AMD1: variants seen among roughly 807,000 people sequenced by gnomAD.
The protein encoded by AMD1 is adenosylmethionine decarboxylase 1, also known as S-adenosylmethionine decarboxylase proenzyme.
In AMD1, 11 loss-of-function variants were observed where a neutral mutation model predicts 40.2. That is an observed-to-expected ratio of 0.27 (90% CI 0.17 to 0.45). The LOEUF (loss-of-function observed/expected upper bound fraction) is 0.45, where lower values mean the gene tolerates loss of function less well. Among genes scored for constraint, AMD1 ranks in the 20% least tolerant of loss-of-function variants. The pLI, the probability that AMD1 is intolerant of heterozygous loss-of-function variation, is 1.00. For missense variants in AMD1, 257 were observed against 410.2 expected (o/e 0.63, Z 3.23); for synonymous variants, 121 against 130.8 (o/e 0.93, Z 0.51).
upstream of AMD1, among the ~76,000 whole-genome samples, chr6:110,873,171 C>A (rs1412915945): frequency 6.6e-6 from 1 of 152,134 alleles, no homozygotes; most frequent in African/African-American, 2.4e-5. Flanking sequence ...TCAAGACAAG[C>A]CTGGCAAACA....
chr6:110,818,434 T>C, the AMD1 span, among the ~76,000 whole-genome samples: 1 of 152,212 alleles, frequency 6.6e-6, no homozygotes, highest in Non-Finnish European at 1.5e-5. Context: ...ATTATTGGAT[T>C]AATTTGTAGC....
the AMD1 span, among the ~76,000 whole-genome samples, chr6:110,839,702 C>T: frequency 4.9e-4 from 75 of 152,084 alleles, no homozygotes; most frequent in African/African-American, 1.8e-3. Context: ...TTAGTGGGGG[C>T]ATGGGAAGTT....
the AMD1 span, among the ~76,000 whole-genome samples, chr6:110,854,129 CT>C: frequency 0.085 from 12,882 of 152,092 alleles, 955 homozygotes; most frequent in African/African-American, 0.21. Flanking sequence ...TACTTTTTTT[CT>C]TTACTAAAGG....
At chr6:110,860,499 T>TA in the AMD1 span, among the ~76,000 whole-genome samples, 30 of 151,208 alleles carry the variant, frequency 2.0e-4, no homozygotes, top group Admixed American at 8.6e-4. Flanking sequence ...TCTATGTGAT[T>TA]AAAAAAAAAC....
chr6:110,872,602 CT>C (rs1784937708), upstream of AMD1, among the ~76,000 whole-genome samples: 1 of 152,088 alleles, frequency 6.6e-6, no homozygotes, highest in South Asian at 2.1e-4. Flanking sequence ...GATTAACCAA[CT>C]TAGTACAAGG....
the AMD1 span, among the ~76,000 whole-genome samples, chr6:110,848,296 C>T: frequency 1.3e-5 from 2 of 151,222 alleles, no homozygotes; most frequent in African/African-American, 2.4e-5. Flanking sequence ...CTGAGGCAGG[C>T]GAGTCACTTG....
the AMD1 span, chr6:110,814,840 A>G: frequency 3.6e-6 from 3 of 837,330 alleles, no homozygotes; most frequent in Non-Finnish European, 5.6e-6. Context: ...CGCGCGGGGG[A>G]GGCGGGCGGA....
At chr6:110,843,179 T>C in the AMD1 span, among the ~76,000 whole-genome samples, 15 of 150,528 alleles carry the variant, frequency 1.0e-4, no homozygotes, top group Admixed American at 9.3e-4. Flanking sequence ...AGTCAAAAAA[T>C]GGCTGGGGTA....
chr6:110,876,563 AC>A (rs1785127364), intron 1 of AMD1, among the ~76,000 whole-genome samples: 4 of 152,152 alleles, frequency 2.6e-5, no homozygotes, highest in Admixed American at 2.6e-4. Flanking sequence ...TGTATCTTGA[AC>A]GATTCCATTG....
the AMD1 span, among the ~76,000 whole-genome samples, chr6:110,857,624 G>GTA: frequency 2.2e-5 from 3 of 135,364 alleles, no homozygotes; most frequent in African/African-American, 5.4e-5. Flanking sequence ...TATATAGGTG[G>GTA]TATATATATA....
chr6:110,834,726 AG>A, the AMD1 span, among the ~76,000 whole-genome samples: 3 of 151,992 alleles, frequency 2.0e-5, no homozygotes, highest in African/African-American at 4.8e-5. Flanking sequence ...TGGGAAGCCG[AG>A]GAGGGCAGAT....
At chr6:110,875,402 A>G (rs560248293) in intron 1 of AMD1, among the ~76,000 whole-genome samples, 187 bp downstream of exon 1, 1 of 152,066 alleles carries the variant, frequency 6.6e-6, no homozygotes, top group South Asian at 2.1e-4. Context: ...CGCGGGCCGG[A>G]GCCGGCTTCT....
chr6:110,875,222 C>G lies in AMD1; in HGVS notation c.110+7C>G. The G allele has an allele frequency of 6.3e-7, 1 of 1,596,044 alleles. No homozygotes were observed. Among genetic ancestry groups the G allele is most frequent in the Non-Finnish European group, 8.5e-7 (1 of 1,171,368 alleles). ...ATCTTCGCACTATCCCAAGGTGGGTCCCCGGGGCGCTCGCTGACATCCGGG... is the reference window on the plus strand; with the variant it reads ...ATCTTCGCACTATCCCAAGGTGGGTGCCCGGGGCGCTCGCTGACATCCGGG... On this transcript the variant is annotated splice_region_variant and intron_variant, in intron 1 of 8. Transcript: ENST00000368885.
At chr6:110,862,115 G>A in the AMD1 span, among the ~76,000 whole-genome samples, 9 of 150,230 alleles carry the variant, frequency 6.0e-5, no homozygotes, top group East Asian at 1.4e-3. Flanking sequence ...CACCTCCCAG[G>A]TTCAAGTGAT....
the AMD1 span, among the ~76,000 whole-genome samples, chr6:110,861,667 C>T: frequency 2.6e-5 from 4 of 151,890 alleles, no homozygotes; most frequent in Non-Finnish European, 2.9e-5. Context: ...CATAGTGAAA[C>T]CCCATCTTTA....
the AMD1 span, among the ~76,000 whole-genome samples, chr6:110,857,247 A>G: frequency 6.6e-6 from 1 of 151,192 alleles, no homozygotes; most frequent in Non-Finnish European, 1.5e-5. Context: ...TAAAAATATC[A>G]CTATAGCCGG....
intron 1 of AMD1, among the ~76,000 whole-genome samples, chr6:110,879,459 T>G (rs1226145617): frequency 6.6e-6 from 1 of 152,112 alleles, no homozygotes; most frequent in Non-Finnish European, 1.5e-5. Flanking sequence ...GGGTAAAAAT[T>G]TGAGATAGAG....
chr6:110,858,007 TA>T, the AMD1 span, among the ~76,000 whole-genome samples: 1 of 151,810 alleles, frequency 6.6e-6, no homozygotes, highest in African/African-American at 2.4e-5. Flanking sequence ...AATAACTTAT[TA>T]TTTTTTTTTC....
At chr6:110,826,778 G>A in the AMD1 span, among the ~76,000 whole-genome samples, 1 of 144,308 alleles carries the variant, frequency 6.9e-6, no homozygotes, top group Admixed American at 7.3e-5. Flanking sequence ...TGCAACCCCC[G>A]CCTCCCAGGT....
Sources: gnomAD v4.1 joint callset for allele counts (sites outside exome capture counted in the v4.1 genomes callset) on GRCh38, gnomAD v4.1.1 for gene constraint, MANE v1.5 for transcripts, NCBI Gene and HGNC (gene_info 2026-07-23, HGNC 2026-07-21) for gene names.